The following ZIK1 variants were observed in gnomAD, a reference collection of about 807,000 sequenced individuals.
ZIK1 encodes the protein zinc finger protein interacting with ribonucleoprotein K.
A neutral mutation model predicts 10.7 loss-of-function variants in ZIK1; 12 were observed. That is an observed-to-expected ratio of 1.12 (90% confidence interval 0.72 to 1.81). ZIK1 has a LOEUF of 1.81. Among genes scored for constraint, ZIK1 ranks in the 40% most tolerant of loss-of-function variants. The probability of loss-of-function intolerance (pLI) is 0.00; values close to 1 mark genes in which losing one functional copy is unlikely to be tolerated. For missense variants in ZIK1, 497 were observed against 585.7 expected (o/e 0.85, Z 1.56); for synonymous variants, 190 against 205.0 (o/e 0.93, Z 0.63).
Position 57,588,540 on chromosome 19 carries a change from G to C in ZIK1, c.74G>C (p.Gly25Ala). 6.6e-7 allele frequency: 1 copy of C among 1,515,842 alleles called. No homozygotes were observed. Among genetic ancestry groups the C allele is most frequent in the Non-Finnish European group, 8.9e-7 (1 of 1,125,864 alleles). 93.9% of individuals were successfully genotyped at this position (1,515,842 alleles called of 1,614,324 possible). The change falls in exon 3 of 4, where the codon GGC becomes GCC. Residue 25 changes from glycine to alanine, a missense_variant and splice_region_variant. Coordinates refer to ENST00000597850, the MANE Select transcript of ZIK1 (RefSeq NM_001010879.4). The stretch of plus-strand genomic sequence containing the variant: ...AGTGACCTGTCCCCATCATGACAGG[G>C]CTGTGTGACCTTTGAGGACATCGCC... ...SPETHMDLTK[G>A]CVTFEDIAIY...
rs146749385 is a variant in ZIK1, at chr19:57,590,287, T to C, written c.476T>C (p.Leu159Pro). The C allele has an allele frequency of 1.4e-4, 231 of 1,614,132 alleles. No individual in the cohort carries two copies. Among genetic ancestry groups the C allele is most frequent in the Admixed American group, 4.3e-4 (26 of 60,010 alleles). The change falls in exon 4 of 4, where the codon CTA becomes CCA. Residue 159 changes from leucine to proline, a missense_variant. By Grantham distance (98) the Leu-to-Pro change is moderately conservative (BLOSUM62 -3). Transcript: ENST00000597850. ...AGAGCCTCATATGTGAAGTGCTGCC[T>C]ATTCTGTATGTCATTGAAGCCCTTT... ...MDRASYVKCCLFCMSLKPFRK... is the reference protein window; with the variant it reads ...MDRASYVKCCPFCMSLKPFRK...
Position 57,584,482 on chromosome 19 carries a change from G to T in ZIK1, c.33+93G>T, listed in dbSNP as rs35411078. On this transcript the variant is annotated intron_variant, in intron 1 of 3. Coordinates refer to ENST00000597850, the MANE Select transcript of ZIK1 (RefSeq NM_001010879.4). ...CGAGATCCTCATGTCCAGTACAGTGGGGGCTCGTGGGTGGGGTCCCTATTT... is the reference window on the plus strand; with the variant it reads ...CGAGATCCTCATGTCCAGTACAGTGTGGGCTCGTGGGTGGGGTCCCTATTT... The T allele has an allele frequency of 1.7e-3, 2,574 of 1,474,994 alleles. 2 individuals are homozygous for T. The highest frequency in any genetic ancestry group is 2.2e-3 in the Non-Finnish European group (2,438 of 1,106,690). 91.4% of individuals were successfully genotyped at this position (1,474,994 alleles called of 1,614,324 possible). A position where few individuals can be genotyped will look rare whatever the true frequency, so the allele number is the denominator to read the frequency against.
chr19:57,585,708 A>G (rs1979086786), intron 2 of ZIK1, among the ~76,000 whole-genome samples: 1 of 151,754 alleles, frequency 6.6e-6, no homozygotes, highest in Non-Finnish European at 1.5e-5. Context: ...TTTTTATTTT[A>G]TTTATTTATT....
Position 57,593,878 on chromosome 19 carries a change from C to T in ZIK1, c.*2603C>T, listed in dbSNP as rs183324685. 2.0e-4 allele frequency: 31 copies of T among 151,248 alleles called. No individual in the cohort carries two copies. The East Asian group carries it at 4.8e-3, about 24-fold the overall frequency. The allele number at this position is 151,248 out of a possible 1,614,324, so 9.4% of individuals were successfully genotyped here. On this transcript the variant is annotated 3_prime_UTR_variant, in exon 4 of 4. Transcript: ENST00000597850. ...TGATACTTTTTCATTAATAAATAGA[C>T]GTATAACAAAGACTTATGTTGAAAC...
intron 3 of ZIK1, chr19:57,589,430 CTTA>C (rs1979460983): frequency 1.0e-6 from 1 of 985,330 alleles, no homozygotes; most frequent in Non-Finnish European, 1.2e-6. Flanking sequence ...ACTTCTCTCT[CTTA>C]TTATTTTTAT....
chr19:57,588,217 A>C (rs576987642), intron 2 of ZIK1, among the ~76,000 whole-genome samples: 1 of 152,280 alleles, frequency 6.6e-6, no homozygotes, highest in South Asian at 2.1e-4. Context: ...TGAAGGACCC[A>C]GGCCCCTGGC....
Position 57,590,944 on chromosome 19 carries a change from C to T in ZIK1, c.1133C>T (p.Pro378Leu), listed in dbSNP as rs1010821264. The change falls in exon 4 of 4, where the codon CCT becomes CTT. Residue 378 changes from proline (P) to leucine (L), a missense_variant. Coordinates refer to ENST00000597850, the MANE Select transcript of ZIK1 (RefSeq NM_001010879.4). ...QHRRIHTGAK[P>L]YECGQCGKSF... ...CGAAGAATTCACACTGGAGCAAAGC[C>T]TTATGAGTGTGGCCAGTGTGGGAAA... is the stretch of plus-strand genomic sequence containing the variant. 4.3e-6 allele frequency: 7 copies of T among 1,614,014 alleles called. No homozygotes were observed. Among genetic ancestry groups the T allele is most frequent in the South Asian group, 2.2e-5 (2 of 91,070 alleles).
chr19:57,590,934 G>A lies in ZIK1; in HGVS notation c.1123G>A (p.Gly375Arg), dbSNP rs1207833896. Residue 375 changes from glycine (G) to arginine (R), a missense_variant, in exon 4 of 4, where the codon GGA (glycine) becomes AGA (arginine). Physicochemically the swap from Gly to Arg is moderately radical, Grantham distance 125 (BLOSUM62 -2). Transcript: ENST00000597850. Reference protein sequence around the residue: ...ILNQHRRIHTGAKPYECGQCG... With the variant: ...ILNQHRRIHTRAKPYECGQCG... ...TAATCAACACCGAAGAATTCACACTGGAGCAAAGCCTTATGAGTGTGGCCA... is the reference window on the plus strand; with the variant it reads ...TAATCAACACCGAAGAATTCACACTAGAGCAAAGCCTTATGAGTGTGGCCA... The A allele has an allele frequency of 6.2e-7, 1 of 1,613,904 alleles. No homozygotes were observed. Among genetic ancestry groups the A allele is most frequent in the Non-Finnish European group, 8.5e-7 (1 of 1,179,950 alleles).
Position 57,584,313 on chromosome 19 carries a change from C to T in ZIK1, c.-44C>T, listed in dbSNP as rs1164853395. ...TGACGGCTTTGCCTAGGTCCCTCCG[C>T]CCGTAGCTGTCGGGTCCCGGCCCCG... is the stretch of plus-strand genomic sequence containing the variant. On this transcript the variant is annotated 5_prime_UTR_variant, in exon 1 of 4. Coordinates refer to ENST00000597850, the MANE Select transcript of ZIK1 (RefSeq NM_001010879.4). 6.4e-7 allele frequency: 1 copy of T among 1,560,438 alleles called. No homozygotes were observed. The highest frequency in any genetic ancestry group is 8.7e-7 in the Non-Finnish European group (1 of 1,152,952).
chr19:57,590,200 C>T lies in ZIK1; in HGVS notation c.389C>T (p.Thr130Ile), dbSNP rs1599923533. Reference protein sequence around the residue: ...GQKPYLVGECTNHHQHQKHHS... With the variant: ...GQKPYLVGECINHHQHQKHHS... ...AAACCATACTTGGTTGGAGAATGTA[C>T]AAACCATCACCAGCACCAGAAGCAT... Residue 130 changes from threonine to isoleucine, a missense_variant, in exon 4 of 4, where the codon ACA (threonine) becomes ATA (isoleucine). Transcript: ENST00000597850. 1.2e-6 allele frequency: 2 copies of T among 1,614,186 alleles called. No individual in the cohort carries two copies. Among genetic ancestry groups the T allele is most frequent in the Non-Finnish European group, 1.7e-6 (2 of 1,180,046 alleles).
intron 2 of ZIK1, among the ~76,000 whole-genome samples, chr19:57,587,168 C>G (rs1023334554): frequency 5.3e-5 from 8 of 152,178 alleles, no homozygotes; most frequent in Non-Finnish European, 7.3e-5. Context: ...GTTCGATTAC[C>G]TCTCACCAGG....
rs1253715997 is a variant in ZIK1, at chr19:57,592,136, T to C, written c.*861T>C. On this transcript the variant is annotated 3_prime_UTR_variant, in exon 4 of 4. Transcript: ENST00000597850. ...CAGGGAATAGGACAATTTTATTCCATTGTTTCCAGAGGATGTCATATGATG... is the reference window on the plus strand; with the variant it reads ...CAGGGAATAGGACAATTTTATTCCACTGTTTCCAGAGGATGTCATATGATG... The C allele has an allele frequency of 6.6e-6, 1 of 152,202 alleles. No individual in the cohort carries two copies. The highest frequency in any genetic ancestry group is 2.4e-5 in the African/African-American group (1 of 41,456). The allele number at this position is 152,202 out of a possible 1,614,324, so 9.4% of individuals were successfully genotyped here.
intron 2 of ZIK1, among the ~76,000 whole-genome samples, chr19:57,587,132 C>T (rs987565327): frequency 6.6e-6 from 1 of 152,132 alleles, no homozygotes; most frequent in African/African-American, 2.4e-5. Context: ...ATCATGAGAA[C>T]AGCATGGGAA....
At position 57,590,100 on chromosome 19, in the gene ZIK1, C is replaced by T. The variant is rs1480794491; in HGVS notation, c.289C>T (p.Gln97Ter). 6.2e-7 allele frequency: 1 copy of T among 1,614,196 alleles called. No homozygotes were observed. Among genetic ancestry groups the T allele is most frequent in the Admixed American group, 1.7e-5 (1 of 60,028 alleles). The change falls in exon 4 of 4, where the codon CAG becomes TAG. Residue 97 changes from glutamine (Q) to a stop codon, truncating the protein, a stop_gained. Transcript: ENST00000597850. LOFTEE classifies it low-confidence loss of function (END_TRUNC). ...VSQSKAGSST[Q>*]KTQSCEMCVP... ...ACAGTCAAAGGCAGGTTCATCCACA[C>T]AGAAGACTCAATCCTGTGAGATGTG...
In ZIK1 at chr19:57,590,335, A is replaced by G; in HGVS notation, c.524A>G (p.Asp175Gly). ...TTTCGCAAATGGGAGGTTGGAAAGG[A>G]CCTTCCAGCCATGTTGCGGCTTCTG... Reference protein sequence around the residue: ...KPFRKWEVGKDLPAMLRLLRS... With the variant: ...KPFRKWEVGKGLPAMLRLLRS... Residue 175 changes from aspartate (D) to glycine (G), a missense_variant, in exon 4 of 4, where the codon GAC (aspartate) becomes GGC (glycine). Coordinates refer to ENST00000597850, the MANE Select transcript of ZIK1 (RefSeq NM_001010879.4). The G allele has an allele frequency of 6.2e-7, 1 of 1,614,172 alleles. No homozygotes were observed. The highest frequency in any genetic ancestry group is 8.5e-7 in the Non-Finnish European group (1 of 1,180,038).
At chr19:57,589,131 C>T (rs1324822890) in intron 3 of ZIK1, 1 of 273,024 alleles carries the variant, frequency 3.7e-6, no homozygotes, top group Non-Finnish European at 5.6e-6. Flanking sequence ...TGTGCTGAGT[C>T]GTTCTGCATC....
intron 2 of ZIK1, 24 bp downstream of exon 2, chr19:57,585,014 C>T (rs1470247313): frequency 6.2e-7 from 1 of 1,610,812 alleles, no homozygotes; most frequent in Non-Finnish European, 8.5e-7. Context: ...GTCCCAGGCC[C>T]TCACTGGTCC....
At chr19:57,585,223 T>C (rs1165471824) in intron 2 of ZIK1, among the ~76,000 whole-genome samples, 4 of 152,222 alleles carry the variant, frequency 2.6e-5, no homozygotes, top group African/African-American at 4.8e-5. Flanking sequence ...AGGTTGGCAG[T>C]GAAGCTGAGC....
intron 2 of ZIK1, 65 bp from the exon 3 acceptor site, chr19:57,588,474 G>A (rs2123422372): frequency 7.3e-7 from 1 of 1,372,166 alleles, no homozygotes; most frequent in South Asian, 2.1e-5. Flanking sequence ...AGGTGGGGAT[G>A]ATTGCGTGGG....
Sources: gnomAD v4.1 joint callset for allele counts (sites outside exome capture counted in the v4.1 genomes callset) on GRCh38, gnomAD v4.1.1 for gene constraint, MANE v1.5 for transcripts, NCBI Gene and HGNC (gene_info 2026-07-23, HGNC 2026-07-21) for gene names.